GHR: variants seen among roughly 807,000 people sequenced by gnomAD.
GHR encodes GH receptor.
A neutral mutation model predicts 67.1 loss-of-function variants in GHR; 35 were observed. The ratio of observed to expected loss-of-function variants is 0.52; its 90% CI spans 0.40 to 0.69. The LOEUF is 0.69. Among genes scored for constraint, GHR ranks in the 30% least tolerant of loss-of-function variants. The probability of loss-of-function intolerance (pLI) is 0.00; values close to 1 mark genes in which losing one functional copy is unlikely to be tolerated. For synonymous variants in GHR, 272 were observed against 269.1 expected (o/e 1.01, Z -0.10); for missense variants, 792 against 764.6 (o/e 1.04, Z -0.42).
intron 1 of GHR, among the ~76,000 whole-genome samples, chr5:42,565,010 G>C (rs181496267): frequency 3.6e-3 from 554 of 152,216 alleles, no homozygotes; most frequent in Non-Finnish European, 5.5e-3. Flanking sequence ...TGGACACCCT[G>C]GTATATTTTT....
At chr5:42,713,786 T>C (rs1266311789) in intron 8 of GHR, 1 of 385,568 alleles carries the variant, frequency 2.6e-6, no homozygotes, top group South Asian at 2.5e-5. Flanking sequence ...GCATACCTTG[T>C]GATATGTACC....
At chr5:42,476,396 T>G (rs534882668) in intron 1 of GHR, among the ~76,000 whole-genome samples, 1 of 151,476 alleles carries the variant, frequency 6.6e-6, no homozygotes, top group East Asian at 2.0e-4. Flanking sequence ...AATTTTTTGT[T>G]TTTTAGTAGA....
At chr5:42,426,680 A>G (rs949855089) in intron 1 of GHR, among the ~76,000 whole-genome samples, 1 of 152,214 alleles carries the variant, frequency 6.6e-6, no homozygotes, top group Non-Finnish European at 1.5e-5. Flanking sequence ...TCAATCTTCA[A>G]TTGATAAGAA....
chr5:42,671,222 A>G (rs974387386), intron 3 of GHR, among the ~76,000 whole-genome samples: 1 of 152,232 alleles, frequency 6.6e-6, no homozygotes, highest in East Asian at 1.9e-4. Context: ...GCTTCTGGGG[A>G]AGCCTCATGA....
In GHR at chr5:42,659,628, C is replaced by T. The variant is rs1012350365; in HGVS notation, c.137-29262C>T. Among the ~76,000 whole-genome samples, 6 of 152,288 alleles carry T rather than the reference C, an allele frequency of 3.9e-5. No individual in the cohort carries two copies. The South Asian group carries it at 1.2e-3, about 32-fold the overall frequency. On this transcript the variant is annotated intron_variant, in intron 3 of 9. Coordinates refer to ENST00000230882, the MANE Select transcript of GHR (RefSeq NM_000163.5). ...GGAAAAAGAGGTTTAAAAAAGTTCT[C>T]TTCGATGGCCAAATAGGAACAGCTC...
At chr5:42,470,027 T>C (rs1196700390) in intron 1 of GHR, among the ~76,000 whole-genome samples, 1 of 144,980 alleles carries the variant, frequency 6.9e-6, no homozygotes, top group East Asian at 1.9e-4. Context: ...TGTATATAAA[T>C]AATATATATA....
chr5:42,576,143 TA>T lies in GHR; in HGVS notation c.70+10200del, dbSNP rs1430678015. Among the ~76,000 whole-genome samples, 123 of 83,516 alleles carry T rather than the reference TA, an allele frequency of 1.5e-3. 3 individuals are homozygous for T. Among genetic ancestry groups the T allele is most frequent in the African/African-American group, 6.0e-3 (121 of 20,148 alleles). The allele number at this position is 83,516 out of a possible 152,430, so 54.8% of individuals were successfully genotyped here. A position where few individuals can be genotyped will look rare whatever the true frequency, so the allele number is the denominator to read the frequency against. On this transcript the variant is annotated intron_variant, in intron 2 of 9. Coordinates refer to ENST00000230882, the MANE Select transcript of GHR (RefSeq NM_000163.5). ...TAAAATAAAATAAAATAAAATAAAA[TA>T]GTAAAGTAAAATAAAATAAAGGCAA...
intron 3 of GHR, among the ~76,000 whole-genome samples, chr5:42,660,388 G>A (rs970232420): frequency 3.3e-5 from 5 of 152,142 alleles, no homozygotes; most frequent in Admixed American, 6.5e-5. Flanking sequence ...CACCTCACAC[G>A]GCCAGGTACT....
chr5:42,444,561 A>G (rs1743726171), intron 1 of GHR, among the ~76,000 whole-genome samples: 1 of 152,174 alleles, frequency 6.6e-6, no homozygotes, highest in Non-Finnish European at 1.5e-5. Context: ...GCCCTCAAAA[A>G]TCATCTTATT....
chr5:42,631,200 TG>T (rs1023505315), intron 3 of GHR, among the ~76,000 whole-genome samples: 1 of 152,214 alleles, frequency 6.6e-6, no homozygotes, highest in Non-Finnish European at 1.5e-5. Context: ...GAGGATGTGT[TG>T]AACAACTTCC....
In GHR at chr5:42,424,239, G is replaced by T. The variant is rs1039596272; in HGVS notation, c.-12+284G>T. ...GTGTGTCTGGAAGTTGGTGAGGGCG[G>T]CAGGGAGTTGCGGGCGACAGACGAA... On this transcript the variant is annotated intron_variant, in intron 1 of 9. Transcript: ENST00000230882. This position sits in a 1 kb window ranked among gnomAD's most constrained non-coding sequence, Gnocchi z 4.1. 2.0e-5 allele frequency among the ~76,000 whole-genome samples: 3 copies of T among 146,726 alleles called. No individual in the cohort carries two copies. Among genetic ancestry groups the T allele is most frequent in the Non-Finnish European group, 4.5e-5 (3 of 66,400 alleles).
intron 2 of GHR, among the ~76,000 whole-genome samples, chr5:42,591,281 G>A (rs1751762343): frequency 6.6e-6 from 1 of 152,238 alleles, no homozygotes; most frequent in African/African-American, 2.4e-5. Flanking sequence ...GGTCATCAAA[G>A]GAGTGGCAGC....
chr5:42,597,299 A>G (rs1752121963), intron 2 of GHR, among the ~76,000 whole-genome samples: 1 of 152,218 alleles, frequency 6.6e-6, no homozygotes, highest in South Asian at 2.1e-4. Context: ...TAAATGTAGT[A>G]AAATGATCAT....
intron 1 of GHR, chr5:42,468,676 C>A (rs1020585621): frequency 2.1e-5 from 21 of 1,005,406 alleles, no homozygotes; most frequent in Middle Eastern, 6.2e-4. Context: ...TATTTGCCTG[C>A]CGCCTTGGAG....
At chr5:42,487,764 C>T (rs1036884317) in intron 1 of GHR, among the ~76,000 whole-genome samples, 18 of 152,148 alleles carry the variant, frequency 1.2e-4, no homozygotes, top group African/African-American at 3.1e-4. Flanking sequence ...TTTCGTCCAT[C>T]GGCCTGTAGG....
At chr5:42,653,986 T>C (rs1327944252) in intron 3 of GHR, among the ~76,000 whole-genome samples, 1 of 152,164 alleles carries the variant, frequency 6.6e-6, no homozygotes, top group Non-Finnish European at 1.5e-5. Flanking sequence ...TCCCAGTGAG[T>C]ACTGCATATT....
chr5:42,458,349 T>C (rs111579594), intron 1 of GHR, among the ~76,000 whole-genome samples: 1,586 of 152,210 alleles, frequency 0.01, 23 homozygotes, highest in African/African-American at 0.036. Context: ...ATCTGATCTT[T>C]GATAAAGTTG....
At chr5:42,653,666 A>G (rs1016289518) in intron 3 of GHR, among the ~76,000 whole-genome samples, 1 of 152,160 alleles carries the variant, frequency 6.6e-6, no homozygotes, top group African/African-American at 2.4e-5. Flanking sequence ...CTTGGTTGAT[A>G]TAGGAAGTGG....
chr5:42,621,986 A>G (rs902221454), intron 2 of GHR, among the ~76,000 whole-genome samples: 1 of 152,150 alleles, frequency 6.6e-6, no homozygotes, highest in East Asian at 1.9e-4. Flanking sequence ...AGGAAAAACT[A>G]TGGATAGGAA....
Sources: gnomAD v4.1 joint callset for allele counts (sites outside exome capture counted in the v4.1 genomes callset) on GRCh38, gnomAD v4.1.1 for gene constraint, Gnocchi (gnomAD v3.1) non-coding constraint, MANE v1.5 for transcripts, NCBI Gene and HGNC (gene_info 2026-07-23, HGNC 2026-07-21) for gene names.